The following ZNF358 variants were observed in gnomAD, a reference collection of about 807,000 sequenced individuals.
ZNF358 encodes zinc finger protein 358.
A neutral mutation model predicts 2.1 loss-of-function variants in ZNF358; 1 was observed. That is an observed-to-expected ratio of 0.49 (90% CI 0.17 to 2.30). ZNF358 has a LOEUF of 2.30. Among genes scored for constraint, ZNF358 ranks in the 30% most tolerant of loss-of-function variants. The pLI is 0.26. For synonymous variants in ZNF358, 381 were observed against 359.7 expected, an observed-to-expected ratio of 1.06 and a Z score of -0.67; for missense variants, 665 against 806.8, an observed-to-expected ratio of 0.82 and a Z score of 2.13.
Position 7,520,457 on chromosome 19 carries a change from TGCCGCGGCCGCTGCAGCTGCAGCA to T in ZNF358, c.1218_1241del (p.Ala409_Ala416del), listed in dbSNP as rs927366383. 4.9e-5 allele frequency: 44 copies of T among 900,474 alleles called. 1 individual carries two copies. The highest frequency in any genetic ancestry group is 1.1e-4 in the African/African-American group (6 of 52,382). 55.8% of individuals were successfully genotyped at this position (900,474 alleles called of 1,614,324 possible). A position where few individuals can be genotyped will look rare whatever the true frequency, so the allele number is the denominator to read the frequency against. ...ATGAGGGTGCAGCCGCTGCTGCAGCTGCCGCGGCCGCTGCAGCTGCAGCAGCGGCCGCCGGCCTGGGCCTCGGGC... is the reference window on the plus strand; with the variant it reads ...ATGAGGGTGCAGCCGCTGCTGCAGCTGCGGCCGCCGGCCTGGGCCTCGGGC... On this transcript the variant is annotated inframe_deletion, in exon 2 of 2. Coordinates refer to ENST00000597229, the MANE Select transcript of ZNF358 (RefSeq NM_018083.5). The surrounding 1 kb of genome is among the most constrained non-coding windows in gnomAD (Gnocchi z 6.0).
chr19:7,519,431 T>C lies in ZNF358; in HGVS notation c.189T>C (p.Asp63=). The change falls in exon 2 of 2, where the codon GAT becomes GAC. Residue 63 remains aspartate, a synonymous_variant. Transcript: ENST00000597229. ...AAGACGTGGACCCCAGCTATGAAGA[T>C]CTGGAGCCCGTCTCGGAGGATCTGG... ...VPEDVDPSYE[D]LEPVSEDLDP... The C allele has an allele frequency of 6.2e-7, 1 of 1,613,998 alleles. No homozygotes were observed. The highest frequency in any genetic ancestry group is 1.1e-5 in the South Asian group (1 of 91,078).
chr19:7,517,221 C>G (rs1328723794), intron 1 of ZNF358, among the ~76,000 whole-genome samples: 1 of 151,848 alleles, frequency 6.6e-6, no homozygotes, highest in Non-Finnish European at 1.5e-5. Flanking sequence ...CCTCTACCTC[C>G]CAGTCTGCCC....
intron 1 of ZNF358, among the ~76,000 whole-genome samples, chr19:7,518,577 AAGAAAG>A (rs1178132660): frequency 6.9e-6 from 1 of 144,594 alleles, no homozygotes; most frequent in African/African-American, 2.7e-5. Context: ...GAAAGAAAGA[AAGAAAG>A]AAAGAAAGAA....
Position 7,520,484 on chromosome 19 carries a change from G to C in ZNF358, c.1242G>C (p.Ala414=). ...CCGCGGCCGCTGCAGCTGCAGCAGC[G>C]GCCGCCGGCCTGGGCCTCGGGCCTG... ...AAAAAAAAAA[A]AAGLGLGPGL... Residue 414 remains alanine (A), a synonymous_variant, in exon 2 of 2, where the codon GCG becomes GCC. Transcript: ENST00000597229. This position sits in a 1 kb window ranked among gnomAD's most constrained non-coding sequence, Gnocchi z 6.0. 1 of 1,185,730 alleles carries C rather than the reference G, an allele frequency of 8.4e-7. No homozygotes were observed. The highest frequency in any genetic ancestry group is 1.1e-6 in the Non-Finnish European group (1 of 871,520). 73.5% of individuals were successfully genotyped at this position (1,185,730 alleles called of 1,614,324 possible).
Position 7,520,478 on chromosome 19 carries a change from A to T in ZNF358, c.1236A>T (p.Ala412=), listed in dbSNP as rs576059839. 605 of 626,284 alleles carry T rather than the reference A, an allele frequency of 9.7e-4. 8 individuals are homozygous for T. Among genetic ancestry groups the T allele is most frequent in the Non-Finnish European group, 1.4e-3 (550 of 403,108 alleles). The allele number at this position is 626,284 out of a possible 1,614,324, so 38.8% of individuals were successfully genotyped here. Residue 412 remains alanine (A), a synonymous_variant, in exon 2 of 2, where the codon GCA becomes GCT. Transcript: ENST00000597229. The surrounding 1 kb of genome is among the most constrained non-coding windows in gnomAD (Gnocchi z 6.0). ...CAGCTGCCGCGGCCGCTGCAGCTGC[A>T]GCAGCGGCCGCCGGCCTGGGCCTCG... The part of the protein sequence containing the change: ...AAAAAAAAAA[A]AAAAGLGLGP...
chr19:7,518,645 C>T (rs928579703), intron 1 of ZNF358, among the ~76,000 whole-genome samples: 6 of 151,952 alleles, frequency 3.9e-5, no homozygotes, highest in African/African-American at 1.5e-4. Context: ...ATTCCAGCTA[C>T]TTGAGAGGCC....
Position 7,520,451 on chromosome 19 carries a change from T to TGCA in ZNF358, c.1212_1214dup (p.Ala416dup). The TGCA allele has an allele frequency of 6.0e-6, 8 of 1,326,608 alleles. No individual in the cohort carries two copies. Among genetic ancestry groups the TGCA allele is most frequent in the Non-Finnish European group, 8.1e-6 (8 of 991,410 alleles). 82.2% of individuals were successfully genotyped at this position (1,326,608 alleles called of 1,614,324 possible). A position where few individuals can be genotyped will look rare whatever the true frequency, so the allele number is the denominator to read the frequency against. ...GGGTGCATGAGGGTGCAGCCGCTGC[T>TGCA]GCAGCTGCCGCGGCCGCTGCAGCTG... On this transcript the variant is annotated inframe_insertion, in exon 2 of 2. Transcript: ENST00000597229. This position sits in a 1 kb window ranked among gnomAD's most constrained non-coding sequence, Gnocchi z 6.0.
Position 7,520,293 on chromosome 19 carries a change from C to T in ZNF358, c.1051C>T (p.His351Tyr). ...GGGCGAGCGGCCCTACGCCTGCCCGCACTGCTCCAAGGCCTTCGGCCAGAG... is the reference window on the plus strand; with the variant it reads ...GGGCGAGCGGCCCTACGCCTGCCCGTACTGCTCCAAGGCCTTCGGCCAGAG... ...HTGERPYACPHCSKAFGQSSA... is the reference protein window; with the variant it reads ...HTGERPYACPYCSKAFGQSSA... The change falls in exon 2 of 2, where the codon CAC becomes TAC. Residue 351 changes from histidine to tyrosine, a missense_variant. His to Tyr is a moderately conservative substitution (Grantham distance 83). This residue lies in a region of ZNF358 where 210 missense variants were observed against 350.8 expected (regional missense o/e 0.60). Transcript: ENST00000597229. This position sits in a 1 kb window ranked among gnomAD's most constrained non-coding sequence, Gnocchi z 6.0. 6.2e-7 allele frequency: 1 copy of T among 1,610,544 alleles called. No homozygotes were observed. The highest frequency in any genetic ancestry group is 8.5e-7 in the Non-Finnish European group (1 of 1,179,506).
In ZNF358 at chr19:7,520,739, G is replaced by A; in HGVS notation, c.1497G>A (p.Gly499=). 6.2e-7 allele frequency: 1 copy of A among 1,613,916 alleles called. No homozygotes were observed. The change falls in exon 2 of 2, where the codon GGG becomes GGA. Residue 499 remains glycine, a synonymous_variant. Coordinates refer to ENST00000597229, the MANE Select transcript of ZNF358 (RefSeq NM_018083.5). This position sits in a 1 kb window ranked among gnomAD's most constrained non-coding sequence, Gnocchi z 6.0. ...TGGAATCTTCTGACCCAAAGGCTGG[G>A]CACGACGCTGGTCCCGACCTTGTGC... ...TPVESSDPKA[G]HDAGPDLVPS...
upstream of ZNF358, among the ~76,000 whole-genome samples, chr19:7,514,597 T>C (rs993409680): frequency 2.0e-5 from 3 of 152,190 alleles, no homozygotes; most frequent in African/African-American, 4.8e-5. Context: ...GAGTATCTTA[T>C]AGAATTTGGG....
At position 7,518,557 on chromosome 19, in the gene ZNF358, G is replaced by GAGAAAGAAAGAAAGAAAGAAAGAAAGAA. The variant is rs3029872; in HGVS notation, c.-38-631_-38-604dup. Among the ~76,000 whole-genome samples the GAGAAAGAAAGAAAGAAAGAAAGAAAGAA allele has an allele frequency of 2.6e-3, 297 of 116,150 alleles. 6 individuals carry two copies. Among genetic ancestry groups the GAGAAAGAAAGAAAGAAAGAAAGAAAGAA allele is most frequent in the South Asian group, 5.3e-3 (17 of 3,238 alleles). 76.2% of individuals were successfully genotyped at this position (116,150 alleles called of 152,430 possible). ...AAAGAAAGAAAGAAAGAGAGAGAGAGAGAAAGAAAGAAAGAAAGAAAGAAA... is the reference window on the plus strand; with the variant it reads ...AAAGAAAGAAAGAAAGAGAGAGAGAGAGAAAGAAAGAAAGAAAGAAAGAAAGAAAGAAAGAAAGAAAGAAAGAAAGAAA... On this transcript the variant is annotated intron_variant, in intron 1 of 1. Coordinates refer to ENST00000597229, the MANE Select transcript of ZNF358 (RefSeq NM_018083.5).
Position 7,519,756 on chromosome 19 carries a change from A to T in ZNF358, c.514A>T (p.Thr172Ser). Residue 172 changes from threonine (T) to serine (S), a missense_variant, in exon 2 of 2, where the codon ACG becomes TCG. By Grantham distance (58) the Thr-to-Ser change is moderately conservative. Around this residue, in one of 3 missense-constraint regions of ZNF358, gnomAD observed 210 missense variants for 350.8 expected, o/e 0.60. Coordinates refer to ENST00000597229, the MANE Select transcript of ZNF358 (RefSeq NM_018083.5). ...CTCCGGGCTGAGCCAGCATCGCCGC[A>T]CGCACAGCGGCGAGAAGCCGTACCG... ...RSSGLSQHRR[T>S]HSGEKPYRCP... The T allele has an allele frequency of 6.5e-7, 1 of 1,530,524 alleles. No homozygotes were observed. Among genetic ancestry groups the T allele is most frequent in the Non-Finnish European group, 8.7e-7 (1 of 1,145,848 alleles). 94.8% of individuals were successfully genotyped at this position (1,530,524 alleles called of 1,614,324 possible). A position where few individuals can be genotyped will look rare whatever the true frequency, so the allele number is the denominator to read the frequency against.
Position 7,519,658 on chromosome 19 carries a change from C to T in ZNF358, c.416C>T (p.Ala139Val), listed in dbSNP as rs2022425473. Residue 139 changes from alanine to valine, a missense_variant, in exon 2 of 2, where the codon GCG becomes GTG. Transcript: ENST00000597229. Reference sequence around the variant, plus strand: ...CCCCAGGTCTTGGCCACCAGCCCCGCGGTGCTCCCCGCCCCCGCCAGCCCG... The same window carrying T: ...CCCCAGGTCTTGGCCACCAGCCCCGTGGTGCTCCCCGCCCCCGCCAGCCCG... The part of the protein sequence containing the change: ...ATPQVLATSP[A>V]VLPAPASPPR... The T allele has an allele frequency of 6.3e-7, 1 of 1,579,442 alleles. No individual in the cohort carries two copies. Among genetic ancestry groups the T allele is most frequent in the Non-Finnish European group, 8.5e-7 (1 of 1,169,826 alleles).
chr19:7,519,382 C>T lies in ZNF358; in HGVS notation c.140C>T (p.Pro47Leu), dbSNP rs1441454451. The T allele has an allele frequency of 6.2e-7, 1 of 1,614,142 alleles. No individual in the cohort carries two copies. Among genetic ancestry groups the T allele is most frequent in the Admixed American group, 1.7e-5 (1 of 60,024 alleles). The change falls in exon 2 of 2, where the codon CCT becomes CTT. Residue 47 changes from proline to leucine, a missense_variant. Transcript: ENST00000597229. Reference sequence around the variant, plus strand: ...GTTTCTGAAGACCCAGAGCCTGATCCTGAAGACCTCAACACTGTCCCGGAA... The same window carrying T: ...GTTTCTGAAGACCCAGAGCCTGATCTTGAAGACCTCAACACTGTCCCGGAA... ...DPVSEDPEPD[P>L]EDLNTVPEDV...
chr19:7,518,028 C>T (rs1484885698), intron 1 of ZNF358, among the ~76,000 whole-genome samples: 1 of 152,236 alleles, frequency 6.6e-6, no homozygotes, highest in Non-Finnish European at 1.5e-5. Flanking sequence ...CCACACTGTT[C>T]CCCATGTGGG....
rs531337842 is a variant in ZNF358, at chr19:7,519,780, C to A, written c.538C>A (p.Arg180Ser). 165 of 1,532,584 alleles carry A rather than the reference C, an allele frequency of 1.1e-4. No homozygotes were observed. Among genetic ancestry groups the A allele is most frequent in the Admixed American group, 6.4e-4 (32 of 50,088 alleles). 94.9% of individuals were successfully genotyped at this position (1,532,584 alleles called of 1,614,324 possible). A position where few individuals can be genotyped will look rare whatever the true frequency, so the allele number is the denominator to read the frequency against. The change falls in exon 2 of 2, where the codon CGC becomes AGC. Residue 180 changes from arginine to serine, a missense_variant. Physicochemically the swap from Arg to Ser is moderately radical, Grantham distance 110 (BLOSUM62 -1). Transcript: ENST00000597229. ...CACGCACAGCGGCGAGAAGCCGTACCGCTGCCCCGACTGCGGGAAGTCCTT... is the reference window on the plus strand; with the variant it reads ...CACGCACAGCGGCGAGAAGCCGTACAGCTGCCCCGACTGCGGGAAGTCCTT... ...RRTHSGEKPY[R>S]CPDCGKSFSH...
chr19:7,519,096 T>A, intron 1 of ZNF358, 109 bp from the exon 2 acceptor site: 1 of 1,187,370 alleles, frequency 8.4e-7, no homozygotes, highest in South Asian at 2.2e-5. Context: ...AAGAAGTGGG[T>A]TCTGGGGGCA....
rs373048497 is a variant in ZNF358 at position 7,520,100 on chromosome 19, G to A, written c.858G>A (p.Thr286=). 1.9e-6 allele frequency: 3 copies of A among 1,593,712 alleles called. No homozygotes were observed. Among genetic ancestry groups the A allele is most frequent in the Admixed American group, 3.4e-5 (2 of 59,194 alleles). The change falls in exon 2 of 2, where the codon ACG becomes ACA. Residue 286 remains threonine (T), a synonymous_variant. Transcript: ENST00000597229. The surrounding 1 kb of genome is among the most constrained non-coding windows in gnomAD (Gnocchi z 6.0). The part of the protein sequence containing the change: ...SALLKHLRTH[T]GERPYPCPQC... ...TGCTCAAACACCTGCGCACGCACAC[G>A]GGCGAGCGGCCCTACCCGTGTCCGC... is the stretch of plus-strand genomic sequence containing the variant.
upstream of ZNF358, chr19:7,516,079 C>T (rs1795277379): frequency 6.9e-6 from 1 of 144,576 alleles, no homozygotes; most frequent in Admixed American, 6.8e-5. This position sits in a 1 kb window ranked among gnomAD's most constrained non-coding sequence, Gnocchi z 5.9. Flanking sequence ...GTCCCAGCAG[C>T]TCCCGCTGCG....
Sources: allele counts gnomAD v4.1 joint callset (sites outside exome capture counted in the v4.1 genomes callset), GRCh38; gene constraint gnomAD v4.1.1; regional missense constraint gnomAD v4.1.1; non-coding constraint Gnocchi (gnomAD v3.1); transcripts MANE v1.5; gene names NCBI Gene and HGNC (gene_info 2026-07-23, HGNC 2026-07-21).